Variants in MAML3 observed in about 807,000 individuals in gnomAD.
MAML3 encodes mastermind like transcriptional coactivator 3, also known as mastermind-like protein 3.
In MAML3, 27 loss-of-function variants were observed where a neutral mutation model predicts 101.9. The observed-to-expected ratio is 0.27, with a 90% CI of 0.20 to 0.37. The LOEUF (loss-of-function observed/expected upper bound fraction) is 0.37. Ranked by LOEUF, MAML3 falls within the 10% of genes least tolerant of loss-of-function variation. The pLI is 1.00. For synonymous variants in MAML3, 501 were observed against 555.9 expected, an observed-to-expected ratio of 0.90 and a Z score of 1.39; for missense variants, 1,316 against 1,444.9, an observed-to-expected ratio of 0.91 and a Z score of 1.45.
chr4:139,978,941 AAG>A (rs1734396402), intron 1 of MAML3, among the ~76,000 whole-genome samples: 1 of 151,860 alleles, frequency 6.6e-6, no homozygotes, highest in Non-Finnish European at 1.5e-5. Context: ...ACTACTTTCA[AAG>A]AGCTCTATGA....
chr4:140,013,062 T>A (rs1726589349), intron 1 of MAML3, among the ~76,000 whole-genome samples: 1 of 152,236 alleles, frequency 6.6e-6, no homozygotes, highest in African/African-American at 2.4e-5. Flanking sequence ...GGTTAAAATG[T>A]CATGTTGCAT....
intron 2 of MAML3, among the ~76,000 whole-genome samples, chr4:139,876,167 T>C (rs1732111626): frequency 6.6e-6 from 1 of 152,236 alleles, no homozygotes; most frequent in Non-Finnish European, 1.5e-5. Flanking sequence ...TAGTAATCTT[T>C]ATATTGATTA....
chr4:140,064,220 G>C (rs1357276133), intron 1 of MAML3, among the ~76,000 whole-genome samples: 4 of 152,108 alleles, frequency 2.6e-5, no homozygotes, highest in Non-Finnish European at 5.9e-5. Flanking sequence ...GTTCTTTGAA[G>C]AATCTATGGT....
At position 139,719,098 on chromosome 4, in the gene MAML3, G is replaced by A. The variant is rs1728114220; in HGVS notation, c.*225C>T. On this transcript the variant is annotated 3_prime_UTR_variant, in exon 5 of 5. Transcript: ENST00000509479. ...CCGGGTGTCTCCCTCTCTCGCAGCCGGGATCTGCATGGCGTCTCATCTCGA... is the reference window on the plus strand; with the variant it reads ...CCGGGTGTCTCCCTCTCTCGCAGCCAGGATCTGCATGGCGTCTCATCTCGA... 8 of 521,970 alleles carry A rather than the reference G, an allele frequency of 1.5e-5. No individual in the cohort carries two copies. The highest frequency in any genetic ancestry group is 2.3e-5 in the Non-Finnish European group (7 of 303,568). The allele number at this position is 521,970 out of a possible 1,614,324, so 32.3% of individuals were successfully genotyped here. A position where few individuals can be genotyped will look rare whatever the true frequency, so the allele number is the denominator to read the frequency against.
At chr4:139,932,174 T>G (rs1294608523) in intron 1 of MAML3, among the ~76,000 whole-genome samples, 2 of 70,248 alleles carry the variant, frequency 2.8e-5, no homozygotes, top group African/African-American at 2.8e-4. Flanking sequence ...ACAGTAACTT[T>G]CTCCTCAGAT....
chr4:140,091,537 C>CAAAAAAAA lies in MAML3; in HGVS notation c.468+61322_468+61323insTTTTTTTT, dbSNP rs570700966. Among the ~76,000 whole-genome samples, 249 of 71,136 alleles carry CAAAAAAAA rather than the reference C, an allele frequency of 3.5e-3. 13 individuals are homozygous for CAAAAAAAA. The highest frequency in any genetic ancestry group is 4.0e-3 in the African/African-American group (84 of 21,102). The allele number at this position is 71,136 out of a possible 152,430, so 46.7% of individuals were successfully genotyped here. On this transcript the variant is annotated intron_variant, in intron 1 of 4. Transcript: ENST00000509479. ...TGTAAAACAAAACAAAACAACAAAA[C>CAAAAAAAA]AAAAACAAAACAAAAAAAAAAAACA...
At chr4:139,753,341 A>AATCTATCTATCTATCT (rs35975255) in intron 2 of MAML3, among the ~76,000 whole-genome samples, 36 of 146,690 alleles carry the variant, frequency 2.5e-4, no homozygotes, top group South Asian at 4.4e-4. Flanking sequence ...TTTTCTTTTT[A>AATCTATCTATCTATCT]ATCTATCTAT....
intron 2 of MAML3, among the ~76,000 whole-genome samples, chr4:139,801,651 T>G (rs908932006): frequency 1.2e-4 from 2 of 17,104 alleles, no homozygotes; most frequent in African/African-American, 2.9e-4. Flanking sequence ...TGGGTGTGTG[T>G]GTGTGTGTGT....
chr4:140,100,587 CA>C (rs1283058130), intron 1 of MAML3, among the ~76,000 whole-genome samples: 1 of 151,952 alleles, frequency 6.6e-6, no homozygotes, highest in Non-Finnish European at 1.5e-5. Flanking sequence ...AAGCCATTCC[CA>C]AAGTGCTTCA....
chr4:139,815,155 G>A (rs1369445485), intron 2 of MAML3, among the ~76,000 whole-genome samples: 3 of 152,172 alleles, frequency 2.0e-5, no homozygotes, highest in Non-Finnish European at 4.4e-5. Context: ...ATGAATAAAA[G>A]ACAAATAGGT....
chr4:139,748,743 T>C (rs1358332807), intron 2 of MAML3, among the ~76,000 whole-genome samples: 1 of 125,436 alleles, frequency 8.0e-6, no homozygotes, highest in East Asian at 2.9e-4. Context: ...CAACTAGCTT[T>C]GGAAAGTTGA....
chr4:140,053,910 C>A (rs1407592776), intron 1 of MAML3, among the ~76,000 whole-genome samples: 3 of 152,152 alleles, frequency 2.0e-5, no homozygotes, highest in African/African-American at 7.2e-5. Context: ...AAACATCAGG[C>A]AGGCTAGGGT....
intron 1 of MAML3, among the ~76,000 whole-genome samples, chr4:140,027,093 A>G (rs1434490789): frequency 6.6e-6 from 1 of 151,666 alleles, no homozygotes; most frequent in Non-Finnish European, 1.5e-5. Context: ...TCTGTTGAGC[A>G]GTGAGTTTGC....
At chr4:139,967,903 C>T (rs1010480103) in intron 1 of MAML3, among the ~76,000 whole-genome samples, 5 of 147,104 alleles carry the variant, frequency 3.4e-5, no homozygotes, top group Non-Finnish European at 5.9e-5. Flanking sequence ...ACATGACTTT[C>T]AAGTCACGTT....
chr4:139,752,957 T>C (rs1306802244), intron 2 of MAML3, among the ~76,000 whole-genome samples: 1 of 152,170 alleles, frequency 6.6e-6, no homozygotes, highest in Non-Finnish European at 1.5e-5. Context: ...GGTGATTTTT[T>C]TGAACCTATC....
intron 1 of MAML3, among the ~76,000 whole-genome samples, chr4:139,900,762 T>G (rs1364252451): frequency 6.6e-6 from 1 of 152,252 alleles, no homozygotes; most frequent in East Asian, 1.9e-4. Flanking sequence ...TCTAAACTTC[T>G]AAGTTTTTAT....
chr4:140,116,926 T>C (rs1374698777), intron 1 of MAML3, among the ~76,000 whole-genome samples: 7 of 152,190 alleles, frequency 4.6e-5, no homozygotes, highest in Admixed American at 3.9e-4. Flanking sequence ...TCACCTTCTG[T>C]AATACTAGCA....
At position 139,889,922 on chromosome 4, in the gene MAML3, TGCTGCTGCTGCTGCTGCTGC is replaced by T. The variant is rs772853311; in HGVS notation, c.1494_1513del (p.Gln499AlafsTer21). 21 of 1,252,512 alleles carry T rather than the reference TGCTGCTGCTGCTGCTGCTGC, an allele frequency of 1.7e-5. No individual in the cohort carries two copies. The highest frequency in any genetic ancestry group is 2.2e-5 in the Non-Finnish European group (20 of 928,692). The allele number at this position is 1,252,512 out of a possible 1,614,324, so 77.6% of individuals were successfully genotyped here. ...ATTTGAGTGCTGTTGCTGCTGCTGCTGCTGCTGCTGCTGCTGCTGCTGCTGCTGCTGCTGCTGCTGCTGCT... is the reference window on the plus strand; with the variant it reads ...ATTTGAGTGCTGTTGCTGCTGCTGCTTGCTGCTGCTGCTGCTGCTGCTGCT... On this transcript the variant is annotated frameshift_variant, in exon 2 of 5. Coordinates refer to ENST00000509479, the MANE Select transcript of MAML3 (RefSeq NM_018717.5). LOFTEE classifies it high-confidence loss of function.
intron 3 of MAML3, 124 bp downstream of exon 3, chr4:139,730,292 G>C: frequency 1.2e-6 from 1 of 838,036 alleles, no homozygotes. Flanking sequence ...TGTGATCCTG[G>C]GAAATGCTAG....
Sources: gnomAD v4.1 joint callset for allele counts (sites outside exome capture counted in the v4.1 genomes callset) on GRCh38, gnomAD v4.1.1 for gene constraint, MANE v1.5 for transcripts, NCBI Gene and HGNC (gene_info 2026-07-23, HGNC 2026-07-21) for gene names.